Variants in SMIM10L3 observed in about 807,000 individuals in gnomAD.
SMIM10L3 encodes small integral membrane protein 10 like 3, also known as salivary gland specific protein SAGSIN1.
chr7:6,343,791 A>G, the SMIM10L3 span, among the ~76,000 whole-genome samples: 1 of 152,092 alleles, frequency 6.6e-6, no homozygotes, highest in Non-Finnish European at 1.5e-5. Flanking sequence ...CAAACTAGAG[A>G]TCTAGGGAGG....
chr7:6,337,555 TTG>T, the SMIM10L3 span, among the ~76,000 whole-genome samples: 1 of 151,776 alleles, frequency 6.6e-6, no homozygotes, highest in African/African-American at 2.4e-5. Context: ...ATTTCTAGAA[TTG>T]TGTTAAAGTA....
chr7:6,331,218 A>G, the SMIM10L3 span: 29 of 1,480,246 alleles, frequency 2.0e-5, no homozygotes, highest in Non-Finnish European at 2.5e-5. Context: ...AGGGCCTTCA[A>G]TGGATCTCAA....
the SMIM10L3 span, among the ~76,000 whole-genome samples, chr7:6,334,081 C>T: frequency 1.5e-4 from 23 of 151,304 alleles, no homozygotes; most frequent in South Asian, 2.1e-4. Flanking sequence ...CTCCTGACCT[C>T]GTGATCCGCC....
chr7:6,339,087 C>A, the SMIM10L3 span, among the ~76,000 whole-genome samples: 1 of 152,198 alleles, frequency 6.6e-6, no homozygotes, highest in Non-Finnish European at 1.5e-5. Context: ...GCAATGACCA[C>A]AGCACTTCTA....
chr7:6,348,675 C>A, the SMIM10L3 span: 1 of 493,320 alleles, frequency 2.0e-6, no homozygotes. Context: ...GCGTGCGAGT[C>A]AGCCCCTTGC....
chr7:6,335,897 G>C, the SMIM10L3 span, among the ~76,000 whole-genome samples: 2 of 151,884 alleles, frequency 1.3e-5, no homozygotes, highest in Admixed American at 6.6e-5. Context: ...GAGTGGCCGG[G>C]AGCAGTGGCT....
At chr7:6,330,933 G>C in the SMIM10L3 span, 4 of 1,614,130 alleles carry the variant, frequency 2.5e-6, no homozygotes, top group Non-Finnish European at 3.4e-6. Context: ...TGTGAAGCCA[G>C]AGGCCAGCCC....
At chr7:6,334,549 A>T in the SMIM10L3 span, among the ~76,000 whole-genome samples, 4 of 151,436 alleles carry the variant, frequency 2.6e-5, no homozygotes, top group Non-Finnish European at 5.9e-5. Context: ...CTTACTGCAA[A>T]CTCTGCCTCC....
the SMIM10L3 span, among the ~76,000 whole-genome samples, chr7:6,334,619 G>A: frequency 2.3e-3 from 349 of 149,968 alleles, 1 homozygote; most frequent in African/African-American, 4.8e-3. Context: ...GGTGCACACC[G>A]CCACGCCCGG....
the SMIM10L3 span, among the ~76,000 whole-genome samples, chr7:6,339,253 A>C: frequency 1.3e-5 from 2 of 152,162 alleles, no homozygotes; most frequent in Admixed American, 1.3e-4. Context: ...AGATCACTTG[A>C]GCCTAGGAGC....
chr7:6,343,023 G>T, the SMIM10L3 span, among the ~76,000 whole-genome samples: 1 of 144,168 alleles, frequency 6.9e-6, no homozygotes, highest in Non-Finnish European at 1.5e-5. Context: ...GATGACAGAG[G>T]AAGACGCTTT....
chr7:6,335,064 G>A, the SMIM10L3 span, among the ~76,000 whole-genome samples: 2 of 151,766 alleles, frequency 1.3e-5, no homozygotes, highest in Non-Finnish European at 2.9e-5. Context: ...ACCGCACCCA[G>A]CCAGTGGTTA....
chr7:6,348,767 C>T, the SMIM10L3 span: 4 of 398,630 alleles, frequency 1.0e-5, no homozygotes, highest in African/African-American at 6.2e-5. Context: ...ATATAGAGAC[C>T]GGCGCTCCCA....
At chr7:6,331,838 T>G in the SMIM10L3 span, among the ~76,000 whole-genome samples, 1 of 151,102 alleles carries the variant, frequency 6.6e-6, no homozygotes, top group African/African-American at 2.4e-5. Context: ...CCTCTCAGGT[T>G]CGAGCGATTC....
the SMIM10L3 span, among the ~76,000 whole-genome samples, chr7:6,336,534 A>G: frequency 9.2e-5 from 14 of 151,964 alleles, no homozygotes; most frequent in Non-Finnish European, 1.9e-4. Flanking sequence ...TACAAAAATT[A>G]GCTGGGTATG....
At chr7:6,331,015 A>G in the SMIM10L3 span, 1 of 1,614,134 alleles carries the variant, frequency 6.2e-7, no homozygotes. Flanking sequence ...AGGCTTATTC[A>G]TCCAGGAGGG....
the SMIM10L3 span, among the ~76,000 whole-genome samples, chr7:6,340,393 C>G: frequency 6.6e-6 from 1 of 152,184 alleles, no homozygotes; most frequent in African/African-American, 2.4e-5. Flanking sequence ...GAAGCGACCA[C>G]TGCATGTGTG....
At chr7:6,333,225 A>C in the SMIM10L3 span, among the ~76,000 whole-genome samples, 2 of 152,124 alleles carry the variant, frequency 1.3e-5, no homozygotes, top group South Asian at 4.2e-4. Flanking sequence ...GGATGCAGTT[A>C]TTATTAGAGG....
the SMIM10L3 span, among the ~76,000 whole-genome samples, chr7:6,343,583 T>C: frequency 2.4e-4 from 37 of 151,838 alleles, no homozygotes; most frequent in Admixed American, 4.6e-4. Context: ...TTGGTATTGA[T>C]TCCATTTAAC....
Sources: gnomAD v4.1 joint callset for allele counts (sites outside exome capture counted in the v4.1 genomes callset) on GRCh38, gnomAD v4.1.1 for gene constraint, MANE v1.5 for transcripts, NCBI Gene and HGNC (gene_info 2026-07-23, HGNC 2026-07-21) for gene names.